The following CNTNAP2 variants were observed in gnomAD, a reference collection of about 807,000 sequenced individuals.
CNTNAP2 encodes contactin associated protein 2.
Under a neutral mutation model 155.2 loss-of-function variants are expected in CNTNAP2, and 98 were observed. That is an observed-to-expected ratio of 0.63 (90% CI 0.54 to 0.75). The LOEUF (loss-of-function observed/expected upper bound fraction) is 0.75, where lower values mean the gene tolerates loss of function less well. Among genes scored for constraint, CNTNAP2 ranks in the 30% least tolerant of loss-of-function variants. The pLI, the probability that CNTNAP2 is intolerant of heterozygous loss-of-function variation, is 0.00. For missense variants in CNTNAP2, 1,727 were observed against 1,688.1 expected, an observed-to-expected ratio of 1.02 and a Z score of -0.40; for synonymous variants, 651 against 631.2, an observed-to-expected ratio of 1.03 and a Z score of -0.47.
intron 12 of CNTNAP2, among the ~76,000 whole-genome samples, chr7:147,594,919 A>G (rs1800800453): frequency 6.6e-6 from 1 of 152,084 alleles, no homozygotes; most frequent in South Asian, 2.1e-4. Flanking sequence ...GGAAGGAGAG[A>G]GAGAAGAGAT....
At chr7:148,259,586 C>T (rs980356308) in intron 20 of CNTNAP2, among the ~76,000 whole-genome samples, 3 of 152,154 alleles carry the variant, frequency 2.0e-5, no homozygotes, top group Non-Finnish European at 4.4e-5. Flanking sequence ...AAATTGTGTC[C>T]TTCATCTCAG....
chr7:147,339,155 A>G (rs988159877), intron 9 of CNTNAP2, among the ~76,000 whole-genome samples: 2 of 151,936 alleles, frequency 1.3e-5, no homozygotes, highest in African/African-American at 4.8e-5. Flanking sequence ...TTTATAAACA[A>G]TAACTATTGC....
chr7:146,246,183 C>T (rs1367363405), intron 1 of CNTNAP2, among the ~76,000 whole-genome samples: 9 of 151,330 alleles, frequency 5.9e-5, no homozygotes, highest in Non-Finnish European at 1.3e-4. Flanking sequence ...GTAAGGGGTG[C>T]ATGATCGGTC....
At position 146,248,705 on chromosome 7, in the gene CNTNAP2, G is replaced by A. The variant is rs143558459; in HGVS notation, c.97+131732G>A. Among the ~76,000 whole-genome samples the A allele has an allele frequency of 6.8e-3, 1,034 of 152,254 alleles. 8 individuals carry two copies. Among genetic ancestry groups the A allele is most frequent in the Non-Finnish European group, 0.012 (814 of 68,014 alleles). On this transcript the variant is annotated intron_variant, in intron 1 of 23. Transcript: ENST00000361727. ...TGGTGAGATGTTTACTGGGCTGGTCGGTCTGAGGACCTGAGGTCGTACGTG... is the reference window on the plus strand; with the variant it reads ...TGGTGAGATGTTTACTGGGCTGGTCAGTCTGAGGACCTGAGGTCGTACGTG...
At position 148,039,573 on chromosome 7, in the gene CNTNAP2, TG is replaced by T. The variant is rs1250566677; in HGVS notation, c.2383+61586del. 6.6e-5 allele frequency among the ~76,000 whole-genome samples: 10 copies of T among 152,310 alleles called. No individual in the cohort carries two copies. In the East Asian group the frequency reaches 1.9e-3, roughly 29 times the overall value. The stretch of plus-strand genomic sequence containing the variant: ...ATTAGTGATTTACCTCCAGGTCATG[TG>T]GTCAGTCAATGGCAGGACCAGTACC... On this transcript the variant is annotated intron_variant, in intron 15 of 23. Coordinates refer to ENST00000361727, the MANE Select transcript of CNTNAP2 (RefSeq NM_014141.6).
At chr7:148,252,591 G>A (rs577454913) in intron 20 of CNTNAP2, among the ~76,000 whole-genome samples, 1 of 152,270 alleles carries the variant, frequency 6.6e-6, no homozygotes. Flanking sequence ...TCAGGGTCGG[G>A]GAGAGGGGTA....
At chr7:146,289,905 A>C (rs1334500441) in intron 1 of CNTNAP2, among the ~76,000 whole-genome samples, 1 of 152,182 alleles carries the variant, frequency 6.6e-6, no homozygotes, top group East Asian at 1.9e-4. Context: ...TGTGTTTGGC[A>C]ATAAACGGAG....
At chr7:146,663,277 C>CAAAAAAAAAAAA (rs543257224) in intron 1 of CNTNAP2, among the ~76,000 whole-genome samples, 3 of 33,236 alleles carry the variant, frequency 9.0e-5, no homozygotes, top group African/African-American at 2.3e-4. Context: ...AACTCCATCT[C>CAAAAAAAAAAAA]AAAAAAAAAA....
At chr7:147,438,722 G>A (rs1352486235) in intron 10 of CNTNAP2, among the ~76,000 whole-genome samples, 6 of 151,806 alleles carry the variant, frequency 4.0e-5, no homozygotes, top group Admixed American at 3.3e-4. Flanking sequence ...CAAGTCCCGG[G>A]CTTTTTTTAC....
intron 10 of CNTNAP2, among the ~76,000 whole-genome samples, chr7:147,448,567 C>A (rs1160598454): frequency 2.0e-5 from 3 of 150,612 alleles, no homozygotes; most frequent in African/African-American, 7.3e-5. Flanking sequence ...ATATGGCAAG[C>A]AATTGACAAA....
At chr7:146,800,707 G>C (rs1802860079) in intron 2 of CNTNAP2, among the ~76,000 whole-genome samples, 1 of 152,110 alleles carries the variant, frequency 6.6e-6, no homozygotes, top group African/African-American at 2.4e-5. Context: ...AGTTGTAAAT[G>C]TAAGGAGAAT....
At chr7:148,048,182 C>A (rs1338947066) in intron 15 of CNTNAP2, among the ~76,000 whole-genome samples, 1 of 151,828 alleles carries the variant, frequency 6.6e-6, no homozygotes, top group African/African-American at 2.4e-5. Flanking sequence ...CCTCGGCCTC[C>A]CAAAGTGCTG....
chr7:146,493,613 C>A (rs1295043259), intron 1 of CNTNAP2, among the ~76,000 whole-genome samples: 3 of 151,848 alleles, frequency 2.0e-5, no homozygotes, highest in African/African-American at 7.3e-5. Flanking sequence ...CCCAGGTGTA[C>A]AAAATCAATA....
chr7:147,741,032 C>T (rs1796947961), intron 13 of CNTNAP2, among the ~76,000 whole-genome samples: 1 of 152,164 alleles, frequency 6.6e-6, no homozygotes, highest in Admixed American at 6.6e-5. Flanking sequence ...AGATGGCAGT[C>T]CTCAGGCACT....
intron 1 of CNTNAP2, among the ~76,000 whole-genome samples, chr7:146,321,602 A>C (rs1801002532): frequency 6.6e-6 from 1 of 152,216 alleles, no homozygotes; most frequent in Non-Finnish European, 1.5e-5. Context: ...CCTTAAAAAC[A>C]GAAGAGAATG....
chr7:147,661,505 T>C (rs776349652), intron 13 of CNTNAP2, among the ~76,000 whole-genome samples: 19 of 152,048 alleles, frequency 1.2e-4, no homozygotes, highest in Non-Finnish European at 2.5e-4. Context: ...AATTCCTCTG[T>C]TCTGATTTCC....
At chr7:146,407,698 A>G (rs1316452911) in intron 1 of CNTNAP2, among the ~76,000 whole-genome samples, 1 of 152,102 alleles carries the variant, frequency 6.6e-6, no homozygotes, top group East Asian at 1.9e-4. Flanking sequence ...CACATGGTCA[A>G]TGAACATTGA....
chr7:148,144,125 T>C (rs1184033149), intron 16 of CNTNAP2, among the ~76,000 whole-genome samples: 1 of 152,236 alleles, frequency 6.6e-6, no homozygotes, highest in Non-Finnish European at 1.5e-5. Context: ...TCTCTTCCAC[T>C]TTTGCCTGCC....
chr7:147,169,682 G>A (rs1802188526), intron 8 of CNTNAP2, among the ~76,000 whole-genome samples: 1 of 152,042 alleles, frequency 6.6e-6, no homozygotes, highest in Non-Finnish European at 1.5e-5. Flanking sequence ...GAAATCTAGA[G>A]GAATGGATAA....
Sources: allele counts gnomAD v4.1 joint callset (sites outside exome capture counted in the v4.1 genomes callset), GRCh38; gene constraint gnomAD v4.1.1; transcripts MANE v1.5; gene names NCBI Gene and HGNC (gene_info 2026-07-23, HGNC 2026-07-21).